Variants in CSMD3 observed in about 807,000 individuals in gnomAD.
CSMD3 encodes the protein CUB and sushi domain-containing protein 3.
Under a neutral mutation model 435.2 loss-of-function variants are expected in CSMD3, and 177 were observed. The ratio of observed to expected loss-of-function variants is 0.41; its 90% CI spans 0.36 to 0.46. The LOEUF (loss-of-function observed/expected upper bound fraction) is 0.46, where lower values mean the gene tolerates loss of function less well. Among genes scored for constraint, CSMD3 ranks in the 20% least tolerant of loss-of-function variants. The probability of loss-of-function intolerance (pLI) is 0.34; values close to 1 mark genes in which losing one functional copy is unlikely to be tolerated. For synonymous variants in CSMD3, 1,656 were observed against 1,520.5 expected, an observed-to-expected ratio of 1.09 and a Z score of -2.07; for missense variants, 4,265 against 4,504.6, an observed-to-expected ratio of 0.95 and a Z score of 1.52.
At chr8:112,874,271 A>T (rs2081217761) in intron 10 of CSMD3, among the ~76,000 whole-genome samples, 1 of 152,112 alleles carries the variant, frequency 6.6e-6, no homozygotes. Flanking sequence ...GTGGTATGAG[A>T]GACTGTTTGT....
chr8:112,850,562 G>A (rs2080456222), intron 11 of CSMD3, among the ~76,000 whole-genome samples: 1 of 152,094 alleles, frequency 6.6e-6, no homozygotes, highest in Non-Finnish European at 1.5e-5. Flanking sequence ...TACATATGTT[G>A]AAACATCATT....
At chr8:113,110,161 C>T (rs1200378320) in intron 4 of CSMD3, among the ~76,000 whole-genome samples, 1 of 152,196 alleles carries the variant, frequency 6.6e-6, no homozygotes, top group Admixed American at 6.5e-5. Context: ...ATATTAATCT[C>T]TTTATCAAAG....
At chr8:113,116,974 A>G (rs943905533) in intron 4 of CSMD3, among the ~76,000 whole-genome samples, 3 of 152,214 alleles carry the variant, frequency 2.0e-5, no homozygotes, top group Non-Finnish European at 4.4e-5. Flanking sequence ...AAAGCATTCA[A>G]GAGGAAACAC....
chr8:113,222,819 G>T (rs2092984788), intron 3 of CSMD3, among the ~76,000 whole-genome samples: 2 of 150,904 alleles, frequency 1.3e-5, no homozygotes. Flanking sequence ...TAGACAATTT[G>T]ACATACTTTC....
At chr8:113,063,897 T>C (rs539051655) in intron 5 of CSMD3, among the ~76,000 whole-genome samples, 29 of 151,654 alleles carry the variant, frequency 1.9e-4, no homozygotes, top group Admixed American at 1.5e-3. Context: ...TAATAGGTGA[T>C]ACAGTATTAT....
chr8:112,490,307 T>G (rs547543837), intron 31 of CSMD3, among the ~76,000 whole-genome samples: 1 of 152,324 alleles, frequency 6.6e-6, no homozygotes, highest in South Asian at 2.1e-4. Flanking sequence ...AATTCAGGTC[T>G]GCTGTATGCT....
intron 3 of CSMD3, among the ~76,000 whole-genome samples, chr8:113,264,370 A>C (rs2093450795): frequency 6.7e-6 from 1 of 150,246 alleles, no homozygotes; most frequent in African/African-American, 2.5e-5. Flanking sequence ...AAATTATAGC[A>C]GTTGATAAGT....
chr8:113,426,504 A>G (rs1388538108), intron 1 of CSMD3, among the ~76,000 whole-genome samples: 1 of 151,356 alleles, frequency 6.6e-6, no homozygotes, highest in Non-Finnish European at 1.5e-5. Flanking sequence ...AGATAAGAAG[A>G]TTAAAAAAAC....
At chr8:112,491,430 G>T (rs1328071760) in intron 31 of CSMD3, among the ~76,000 whole-genome samples, 5 of 152,102 alleles carry the variant, frequency 3.3e-5, no homozygotes, top group Non-Finnish European at 5.9e-5. Flanking sequence ...GGAGGTGGAT[G>T]GATTTCTTGA....
intron 38 of CSMD3, among the ~76,000 whole-genome samples, chr8:112,378,208 G>A (rs905211436): frequency 6.6e-6 from 1 of 151,604 alleles, no homozygotes; most frequent in Non-Finnish European, 1.5e-5. Flanking sequence ...TACGTTGTTG[G>A]CGAGAATGAA....
At chr8:112,876,200 C>T (rs1314412323) in intron 10 of CSMD3, among the ~76,000 whole-genome samples, 2 of 151,950 alleles carry the variant, frequency 1.3e-5, no homozygotes, top group Non-Finnish European at 2.9e-5. Flanking sequence ...GTATACCAAC[C>T]ATAAAAAGAC....
chr8:112,345,055 T>G (rs1474227985), intron 41 of CSMD3, among the ~76,000 whole-genome samples: 1 of 152,116 alleles, frequency 6.6e-6, no homozygotes, highest in Non-Finnish European at 1.5e-5. Flanking sequence ...ACATAGCGAC[T>G]GAAAAATAGT....
At chr8:112,932,658 C>A (rs981765119) in intron 9 of CSMD3, among the ~76,000 whole-genome samples, 1 of 151,692 alleles carries the variant, frequency 6.6e-6, no homozygotes, top group South Asian at 2.1e-4. Flanking sequence ...AAATAGTTAC[C>A]AGAGGCTGGG....
At chr8:113,151,580 C>A (rs549407114) in intron 4 of CSMD3, among the ~76,000 whole-genome samples, 1 of 151,816 alleles carries the variant, frequency 6.6e-6, no homozygotes, top group South Asian at 2.1e-4. Flanking sequence ...TATAAAATAG[C>A]AAGAGACAAC....
chr8:112,351,131 C>T (rs766942568), intron 40 of CSMD3, 44 bp downstream of exon 40: 4 of 1,154,442 alleles, frequency 3.5e-6, no homozygotes, highest in South Asian at 1.2e-5. Flanking sequence ...TTTTTTTTTA[C>T]ACTTTAAGTT....
At chr8:112,441,681 A>C (rs1815036671) in intron 32 of CSMD3, among the ~76,000 whole-genome samples, 1 of 152,194 alleles carries the variant, frequency 6.6e-6, no homozygotes, top group Non-Finnish European at 1.5e-5. Flanking sequence ...AAGCAAATAC[A>C]TCCTTCTTCA....
intron 11 of CSMD3, among the ~76,000 whole-genome samples, chr8:112,836,703 G>A (rs1245441141): frequency 6.6e-6 from 1 of 151,830 alleles, no homozygotes; most frequent in South Asian, 2.1e-4. Context: ...CCTAGGAACG[G>A]TGTTTTTCTG....
intron 22 of CSMD3, among the ~76,000 whole-genome samples, chr8:112,598,546 A>G (rs1384652569): frequency 1.3e-5 from 2 of 150,998 alleles, no homozygotes; most frequent in Non-Finnish European, 2.9e-5. Flanking sequence ...ACCAAAAAAG[A>G]GCCCACATCG....
chr8:112,478,146 C>T (rs575188508), intron 31 of CSMD3, among the ~76,000 whole-genome samples: 14 of 152,288 alleles, frequency 9.2e-5, no homozygotes, highest in Admixed American at 8.5e-4. Flanking sequence ...CCATGTGGAA[C>T]TATAAGTCCA....
Sources: gnomAD v4.1 joint callset for allele counts (sites outside exome capture counted in the v4.1 genomes callset) on GRCh38, gnomAD v4.1.1 for gene constraint, MANE v1.5 for transcripts, NCBI Gene and HGNC (gene_info 2026-07-23, HGNC 2026-07-21) for gene names.